The following AGPAT4 variants were observed in gnomAD, a reference collection of about 807,000 sequenced individuals.
The protein encoded by AGPAT4 is 1-acylglycerol-3-phosphate O-acyltransferase 4.
A neutral mutation model predicts 48.0 loss-of-function variants in AGPAT4; 15 were observed. The ratio of observed to expected loss-of-function variants is 0.31; its 90% CI spans 0.21 to 0.48. AGPAT4 has a LOEUF of 0.48. Among genes scored for constraint, AGPAT4 ranks in the 20% least tolerant of loss-of-function variants. AGPAT4 has a pLI of 0.99. For synonymous variants in AGPAT4, 178 were observed against 198.7 expected (o/e 0.90, Z 0.88); for missense variants, 314 against 482.5 (o/e 0.65, Z 3.27).
At chr6:161,173,101 CAT>C (rs1583301699) in intron 2 of AGPAT4, among the ~76,000 whole-genome samples, 1 of 152,320 alleles carries the variant, frequency 6.6e-6, no homozygotes, top group East Asian at 1.9e-4. Flanking sequence ...CCACAATAAA[CAT>C]ATGTGTACAT....
chr6:161,191,425 C>T (rs1260228700), intron 2 of AGPAT4, among the ~76,000 whole-genome samples: 1 of 152,176 alleles, frequency 6.6e-6, no homozygotes, highest in African/African-American at 2.4e-5. Flanking sequence ...GTTGGAGAGA[C>T]GTCATTCTGA....
At chr6:161,172,745 C>A (rs1223773055) in intron 2 of AGPAT4, among the ~76,000 whole-genome samples, 1 of 152,066 alleles carries the variant, frequency 6.6e-6, no homozygotes, top group African/African-American at 2.4e-5. Context: ...CTGCACCCAT[C>A]AACTAGTCAT....
intron 1 of AGPAT4, among the ~76,000 whole-genome samples, chr6:161,263,825 T>G (rs1783172632): frequency 6.6e-6 from 1 of 152,158 alleles, no homozygotes; most frequent in Non-Finnish European, 1.5e-5. Flanking sequence ...CAATGGGAAG[T>G]CTTTTCACCC....
rs1372910561 is a variant in AGPAT4, at chr6:161,134,795, C to G, written c.*1745G>C. 1 of 152,370 alleles carries G rather than the reference C, an allele frequency of 6.6e-6. No homozygotes were observed. The highest frequency in any genetic ancestry group is 2.4e-5 in the African/African-American group (1 of 41,462). 9.4% of individuals were successfully genotyped at this position (152,370 alleles called of 1,614,324 possible). Reference sequence around the variant, plus strand: ...GGACCCCTCTTGCCTAAGGTCACGTCCTGGGCTTTTGCCCACAGATCTCTG... The same window carrying G: ...GGACCCCTCTTGCCTAAGGTCACGTGCTGGGCTTTTGCCCACAGATCTCTG... On this transcript the variant is annotated 3_prime_UTR_variant, in exon 9 of 9. Coordinates refer to ENST00000320285, the MANE Select transcript of AGPAT4 (RefSeq NM_020133.3).
At position 161,254,348 on chromosome 6, in the gene AGPAT4, T is replaced by G. The variant is rs1466521063; in HGVS notation, c.-90+19590A>C. ...CACTAACCTGCTCAGGTCCCTACCT[T>G]CTCTGATCCTCAGCTTCTTCCTGTC... On this transcript the variant is annotated intron_variant, in intron 1 of 8. Transcript: ENST00000320285. This position sits in a 1 kb window ranked among gnomAD's most constrained non-coding sequence, Gnocchi z 5.9. Among the ~76,000 whole-genome samples the G allele has an allele frequency of 1.3e-5, 2 of 152,192 alleles. No individual in the cohort carries two copies. Among genetic ancestry groups the G allele is most frequent in the African/African-American group, 4.8e-5 (2 of 41,446 alleles).
In AGPAT4 at chr6:161,169,178, T is replaced by C. The variant is rs1332919152; in HGVS notation, c.179-2761A>G. Among the ~76,000 whole-genome samples the C allele has an allele frequency of 6.6e-6, 1 of 152,144 alleles. No homozygotes were observed. Among genetic ancestry groups the C allele is most frequent in the Non-Finnish European group, 1.5e-5 (1 of 68,030 alleles). ...TCTGGGTTACCAGAGTAAGGAGTTA[T>C]GATTTATGATTTCATTCTAAAGGCA... is the stretch of plus-strand genomic sequence containing the variant. On this transcript the variant is annotated intron_variant, in intron 2 of 8. Transcript: ENST00000320285. The surrounding 1 kb of genome is among the most constrained non-coding windows in gnomAD (Gnocchi z 5.0).
intron 2 of AGPAT4, among the ~76,000 whole-genome samples, chr6:161,228,575 C>CTTT (rs10564297): frequency 9.2e-6 from 1 of 108,668 alleles, no homozygotes; most frequent in Non-Finnish European, 1.8e-5. Context: ...CACCCCCTGC[C>CTTT]TTTTTTTTTT....
rs1781434656 is a variant in AGPAT4, at chr6:161,208,392, T to C, written c.178+23644A>G. Reference sequence around the variant, plus strand: ...TGTTCCCACCTTGAAGGCTTCTTGTTCTTAACAGCTCAATTAAACTCATGT... The same window carrying C: ...TGTTCCCACCTTGAAGGCTTCTTGTCCTTAACAGCTCAATTAAACTCATGT... On this transcript the variant is annotated intron_variant, in intron 2 of 8. Coordinates refer to ENST00000320285, the MANE Select transcript of AGPAT4 (RefSeq NM_020133.3). The surrounding 1 kb of genome is among the most constrained non-coding windows in gnomAD (Gnocchi z 4.6). 6.6e-6 allele frequency among the ~76,000 whole-genome samples: 1 copy of C among 152,112 alleles called. No individual in the cohort carries two copies. The highest frequency in any genetic ancestry group is 2.4e-5 in the African/African-American group (1 of 41,416).
rs1376101862 is a variant in AGPAT4, at chr6:161,266,229, C to A, written c.-90+7709G>T. The stretch of plus-strand genomic sequence containing the variant: ...TAAAGGATTAATGGGCCCAAAATCT[C>A]AACATCGAGATTGAGAAACACCTCG... On this transcript the variant is annotated intron_variant, in intron 1 of 8. Transcript: ENST00000320285. This position sits in a 1 kb window ranked among gnomAD's most constrained non-coding sequence, Gnocchi z 6.2. Among the ~76,000 whole-genome samples the A allele has an allele frequency of 6.6e-6, 1 of 152,176 alleles. No individual in the cohort carries two copies. Among genetic ancestry groups the A allele is most frequent in the Non-Finnish European group, 1.5e-5 (1 of 68,030 alleles).
rs1781426661 is a variant in AGPAT4, at chr6:161,208,080, A to G, written c.178+23956T>C. Among the ~76,000 whole-genome samples the G allele has an allele frequency of 6.6e-6, 1 of 152,126 alleles. No homozygotes were observed. The highest frequency in any genetic ancestry group is 1.5e-5 in the Non-Finnish European group (1 of 68,004). On this transcript the variant is annotated intron_variant, in intron 2 of 8. Coordinates refer to ENST00000320285, the MANE Select transcript of AGPAT4 (RefSeq NM_020133.3). This position sits in a 1 kb window ranked among gnomAD's most constrained non-coding sequence, Gnocchi z 4.6. ...AGGCTTCATTATTAATATTTCCTCCACCTCACAATCCTGTTAGTCTTGTTC... is the reference window on the plus strand; with the variant it reads ...AGGCTTCATTATTAATATTTCCTCCGCCTCACAATCCTGTTAGTCTTGTTC...
In AGPAT4 at chr6:161,232,231, A is replaced by T. The variant is rs1782143017; in HGVS notation, c.-18T>A. 1 of 1,607,666 alleles carries T rather than the reference A, an allele frequency of 6.2e-7. No individual in the cohort carries two copies. Among genetic ancestry groups the T allele is most frequent in the African/African-American group, 1.3e-5 (1 of 74,730 alleles). On this transcript the variant is annotated 5_prime_UTR_variant, in exon 2 of 9. Coordinates refer to ENST00000320285, the MANE Select transcript of AGPAT4 (RefSeq NM_020133.3). The surrounding 1 kb of genome is among the most constrained non-coding windows in gnomAD (Gnocchi z 6.8). Reference sequence around the variant, plus strand: ...AGGTCCATGATGCGTGGACGCTCTTATTCAGAAATAAATAACTACCCACAG... The same window carrying T: ...AGGTCCATGATGCGTGGACGCTCTTTTTCAGAAATAAATAACTACCCACAG...
intron 2 of AGPAT4, among the ~76,000 whole-genome samples, chr6:161,205,506 A>T (rs1424877260): frequency 6.6e-6 from 1 of 152,204 alleles, no homozygotes; most frequent in Non-Finnish European, 1.5e-5. Flanking sequence ...GCAGAGGCAC[A>T]TTTACAGCAC....
At position 161,184,020 on chromosome 6, in the gene AGPAT4, G is replaced by A. The variant is rs1407762590; in HGVS notation, c.179-17603C>T. Among the ~76,000 whole-genome samples, 2 of 152,090 alleles carry A rather than the reference G, an allele frequency of 1.3e-5. No individual in the cohort carries two copies. Among genetic ancestry groups the A allele is most frequent in the African/African-American group, 2.4e-5 (1 of 41,430 alleles). ...GAAGTCACTGGAAGTTTAGCGTGAT[G>A]TATGACTTGATCCACCTGAAATACA... On this transcript the variant is annotated intron_variant, in intron 2 of 8. Transcript: ENST00000320285. The surrounding 1 kb of genome is among the most constrained non-coding windows in gnomAD (Gnocchi z 4.8).
At chr6:161,145,527 T>A (rs113744449) in intron 7 of AGPAT4, among the ~76,000 whole-genome samples, 1 of 151,622 alleles carries the variant, frequency 6.6e-6, no homozygotes, top group Non-Finnish European at 1.5e-5. Flanking sequence ...CTAAAGGTGA[T>A]GGCAAGTCTT....
Position 161,134,725 on chromosome 6 carries a change from A to G in AGPAT4, c.*1815T>C, listed in dbSNP as rs1456643211. The G allele has an allele frequency of 2.6e-5, 4 of 151,966 alleles. No homozygotes were observed. Among genetic ancestry groups the G allele is most frequent in the African/African-American group, 9.7e-5 (4 of 41,380 alleles). The allele number at this position is 151,966 out of a possible 1,614,324, so 9.4% of individuals were successfully genotyped here. Reference sequence around the variant, plus strand: ...GGCGCAGGTCCACTAGGGCGTGCTCACAGACACGCAAGGCTACACACCATG... The same window carrying G: ...GGCGCAGGTCCACTAGGGCGTGCTCGCAGACACGCAAGGCTACACACCATG... On this transcript the variant is annotated 3_prime_UTR_variant, in exon 9 of 9. Coordinates refer to ENST00000320285, the MANE Select transcript of AGPAT4 (RefSeq NM_020133.3).
chr6:161,259,431 C>T lies in AGPAT4; in HGVS notation c.-90+14507G>A, dbSNP rs901976235. On this transcript the variant is annotated intron_variant, in intron 1 of 8. Coordinates refer to ENST00000320285, the MANE Select transcript of AGPAT4 (RefSeq NM_020133.3). This position sits in a 1 kb window ranked among gnomAD's most constrained non-coding sequence, Gnocchi z 4.9. ...GTATGCTTTGAGTTGCTGGTGATCA[C>T]GGACTTTTGTAGAGCCACCCGGTCT... Among the ~76,000 whole-genome samples, 3 of 151,986 alleles carry T rather than the reference C, an allele frequency of 2.0e-5. No individual in the cohort carries two copies. The highest frequency in any genetic ancestry group is 4.8e-5 in the African/African-American group (2 of 41,426).
chr6:161,139,844 C>T lies in AGPAT4; in HGVS notation c.844-224G>A, dbSNP rs774313151. 5.9e-5 allele frequency among the ~76,000 whole-genome samples: 9 copies of T among 152,192 alleles called. No individual in the cohort carries two copies. The highest frequency in any genetic ancestry group is 1.0e-4 in the Non-Finnish European group (7 of 68,024). On this transcript the variant is annotated intron_variant, in intron 7 of 8. Transcript: ENST00000320285. The surrounding 1 kb of genome is among the most constrained non-coding windows in gnomAD (Gnocchi z 9.1). ...ACAGGGACACTGGGAGTGGTGGGGC[C>T]GCTGCAGCTGTCACTGAGTGCAGGG...
chr6:161,217,526 C>T lies in AGPAT4; in HGVS notation c.178+14510G>A, dbSNP rs1781683259. Among the ~76,000 whole-genome samples the T allele has an allele frequency of 6.6e-6, 1 of 152,130 alleles. No homozygotes were observed. The highest frequency in any genetic ancestry group is 1.5e-5 in the Non-Finnish European group (1 of 68,028). Reference sequence around the variant, plus strand: ...GGAGTCCATCAGGTGCATGGTAATCCAGTATGAAGGCATTGGCGTTATGCC... The same window carrying T: ...GGAGTCCATCAGGTGCATGGTAATCTAGTATGAAGGCATTGGCGTTATGCC... On this transcript the variant is annotated intron_variant, in intron 2 of 8. Transcript: ENST00000320285. This position sits in a 1 kb window ranked among gnomAD's most constrained non-coding sequence, Gnocchi z 4.9.
rs1782903147 is a variant in AGPAT4 at position 161,254,828 on chromosome 6, G to A, written c.-90+19110C>T. Among the ~76,000 whole-genome samples, 1 of 152,206 alleles carries A rather than the reference G, an allele frequency of 6.6e-6. No individual in the cohort carries two copies. ...CATGGATTCAATACTAAAAGCCAGT[G>A]TGTTTGGGTTTCACATCATTGTCTT... On this transcript the variant is annotated intron_variant, in intron 1 of 8. Coordinates refer to ENST00000320285, the MANE Select transcript of AGPAT4 (RefSeq NM_020133.3). This position sits in a 1 kb window ranked among gnomAD's most constrained non-coding sequence, Gnocchi z 5.9.
Sources: allele counts gnomAD v4.1 joint callset (sites outside exome capture counted in the v4.1 genomes callset), GRCh38; gene constraint gnomAD v4.1.1; non-coding constraint Gnocchi (gnomAD v3.1); transcripts MANE v1.5; gene names NCBI Gene and HGNC (gene_info 2026-07-23, HGNC 2026-07-21).